The following GATAD2A variants were observed in gnomAD, a reference collection of about 807,000 sequenced individuals.
GATAD2A encodes transcriptional repressor p66-alpha.
GATAD2A carries 12 observed loss-of-function variants against 68.5 expected under a neutral mutation model. The observed-to-expected ratio is 0.18, with a 90% CI of 0.11 to 0.28. The LOEUF (loss-of-function observed/expected upper bound fraction) is 0.28. GATAD2A is among the 10% of genes least tolerant of loss of function. The pLI is 1.00. For missense variants in GATAD2A, 755 were observed against 868.5 expected, an observed-to-expected ratio of 0.87 and a Z score of 1.64; for synonymous variants, 410 against 375.3, an observed-to-expected ratio of 1.09 and a Z score of -1.07.
intron 1 of GATAD2A, among the ~76,000 whole-genome samples, chr19:19,423,009 C>A (rs1256952117): frequency 6.6e-6 from 1 of 152,012 alleles, no homozygotes; most frequent in African/African-American, 2.4e-5. Flanking sequence ...CTGCGCCCGG[C>A]CTTTTGTTTG....
chr19:19,397,219 T>G (rs940912356), intron 1 of GATAD2A, among the ~76,000 whole-genome samples: 2 of 152,118 alleles, frequency 1.3e-5, no homozygotes, highest in South Asian at 4.1e-4. Context: ...GATCCAAGAT[T>G]AAACTCAAAA....
At chr19:19,451,986 G>A (rs979801096) in intron 1 of GATAD2A, among the ~76,000 whole-genome samples, 2 of 152,202 alleles carry the variant, frequency 1.3e-5, no homozygotes, top group Admixed American at 1.3e-4. Context: ...TTATAGGCGT[G>A]AGCCACTGCT....
At chr19:19,476,689 C>A (rs1349860417) in intron 2 of GATAD2A, among the ~76,000 whole-genome samples, 1 of 152,160 alleles carries the variant, frequency 6.6e-6, no homozygotes, top group Non-Finnish European at 1.5e-5. Context: ...CAGTGGGCGC[C>A]AGGCCTTGGG....
chr19:19,502,348 C>T lies in GATAD2A; in HGVS notation c.1596C>T (p.Ser532=). ...GAVLQASSQL[S]RGSATTPRGV... ...CACTGCAGGCCTCCAGCCAGCTGTC[C>T]CGGGGTTCGGCCACGACGCCCCGAG... Residue 532 remains serine (S), a synonymous_variant, in exon 11 of 12, where the codon TCC becomes TCT. Transcript: ENST00000683918. The T allele has an allele frequency of 6.2e-7, 1 of 1,611,854 alleles. No homozygotes were observed. Among genetic ancestry groups the T allele is most frequent in the Non-Finnish European group, 8.5e-7 (1 of 1,178,876 alleles).
chr19:19,421,417 G>T (rs1286815440), intron 1 of GATAD2A, among the ~76,000 whole-genome samples: 2 of 151,800 alleles, frequency 1.3e-5, no homozygotes, highest in South Asian at 4.1e-4. Context: ...AGTTTCCCAG[G>T]GCATGTCTTG....
At chr19:19,419,510 CTTTTTTTTTT>C (rs57019208) in intron 1 of GATAD2A, among the ~76,000 whole-genome samples, 32 of 110,648 alleles carry the variant, frequency 2.9e-4, no homozygotes, top group African/African-American at 1.1e-3. Flanking sequence ...ATCTCTACAT[CTTTTTTTTTT>C]TTTTTTTTTT....
intron 1 of GATAD2A, among the ~76,000 whole-genome samples, chr19:19,441,463 A>G (rs1252863650): frequency 3.3e-5 from 5 of 151,960 alleles, no homozygotes; most frequent in Non-Finnish European, 7.4e-5. Flanking sequence ...ATCATAGCTC[A>G]CTGCAGCCTC....
At chr19:19,470,918 CACAG>C (rs1404308670) in intron 2 of GATAD2A, among the ~76,000 whole-genome samples, 2 of 152,186 alleles carry the variant, frequency 1.3e-5, no homozygotes, top group East Asian at 3.9e-4. Flanking sequence ...AATGTGTCCA[CACAG>C]ACAGGTACAC....
chr19:19,416,310 A>G (rs1042560214), intron 1 of GATAD2A, among the ~76,000 whole-genome samples: 4 of 151,778 alleles, frequency 2.6e-5, no homozygotes, highest in Admixed American at 6.6e-5. Flanking sequence ...GCTGGATGAG[A>G]CCTGGTTAAG....
chr19:19,413,314 G>A (rs1282503151), intron 1 of GATAD2A, among the ~76,000 whole-genome samples: 1 of 152,222 alleles, frequency 6.6e-6, no homozygotes, highest in Admixed American at 6.5e-5. Flanking sequence ...AAGTAGGAGA[G>A]TGGTGAACTG....
At chr19:19,403,481 C>G (rs2049943018), upstream of GATAD2A, among the ~76,000 whole-genome samples, 1 of 152,114 alleles carries the variant, frequency 6.6e-6, no homozygotes, top group Admixed American at 6.5e-5. Flanking sequence ...GCACTGCCCT[C>G]TGGAGCAGGC....
intron 1 of GATAD2A, among the ~76,000 whole-genome samples, chr19:19,408,195 C>A (rs1458664076): frequency 6.6e-6 from 1 of 152,160 alleles, no homozygotes; most frequent in Non-Finnish European, 1.5e-5. Context: ...CCATGCTGGC[C>A]AGGCTGGTCT....
At chr19:19,404,713 G>A (rs921142758), upstream of GATAD2A, among the ~76,000 whole-genome samples, 2 of 152,226 alleles carry the variant, frequency 1.3e-5, no homozygotes, top group East Asian at 3.9e-4. Flanking sequence ...ACAGTACGTT[G>A]CATGTGGTAA....
chr19:19,474,844 C>A (rs957288124), intron 2 of GATAD2A, among the ~76,000 whole-genome samples: 1 of 152,200 alleles, frequency 6.6e-6, no homozygotes, highest in Non-Finnish European at 1.5e-5. Context: ...ACTTGTTGTT[C>A]TCAGTCTTTA....
At chr19:19,469,677 T>C (rs2058130968) in intron 2 of GATAD2A, among the ~76,000 whole-genome samples, 1 of 152,170 alleles carries the variant, frequency 6.6e-6, no homozygotes, top group Non-Finnish European at 1.5e-5. Context: ...CTGGGCGCAG[T>C]GGCTCACGCC....
chr19:19,455,701 G>C (rs2056860949), intron 1 of GATAD2A, among the ~76,000 whole-genome samples: 1 of 152,144 alleles, frequency 6.6e-6, no homozygotes, highest in Non-Finnish European at 1.5e-5. Flanking sequence ...ATCTGGGATT[G>C]AGCATCTGGG....
At chr19:19,446,449 A>G (rs757305207) in intron 1 of GATAD2A, among the ~76,000 whole-genome samples, 10 of 149,118 alleles carry the variant, frequency 6.7e-5, no homozygotes, top group African/African-American at 1.7e-4. Flanking sequence ...TATCAGGTGT[A>G]TGATTTGCTA....
chr19:19,395,564 A>G (rs73922875), intron 1 of GATAD2A, among the ~76,000 whole-genome samples: 56 of 152,300 alleles, frequency 3.7e-4, no homozygotes, highest in African/African-American at 1.3e-3. Flanking sequence ...TGGGGTCTCA[A>G]CTAATACACC....
At chr19:19,425,100 G>T (rs374606697) in intron 1 of GATAD2A, among the ~76,000 whole-genome samples, 41 of 151,276 alleles carry the variant, frequency 2.7e-4, no homozygotes, top group Non-Finnish European at 4.9e-4. Flanking sequence ...GAGAAAACTT[G>T]CCATAAGAAT....
Sources: allele counts gnomAD v4.1 joint callset (sites outside exome capture counted in the v4.1 genomes callset), GRCh38; gene constraint gnomAD v4.1.1; transcripts MANE v1.5; gene names NCBI Gene and HGNC (gene_info 2026-07-23, HGNC 2026-07-21).